Variants in CMTM4 observed in about 807,000 individuals in gnomAD.
CMTM4 encodes CKLF-like MARVEL transmembrane domain-containing protein 4.
Under a neutral mutation model 19.0 loss-of-function variants are expected in CMTM4, and 8 were observed. The ratio of observed to expected loss-of-function variants is 0.42; its 90% CI spans 0.25 to 0.76. CMTM4 has a LOEUF of 0.76. CMTM4 is among the 30% of genes least tolerant of loss of function. The pLI is 0.27. For synonymous variants in CMTM4, 106 were observed against 121.1 expected (o/e 0.88, Z 0.82); for missense variants, 228 against 290.2 (o/e 0.79, Z 1.56).
chr16:66,662,807 G>T (rs1458278469), intron 1 of CMTM4, among the ~76,000 whole-genome samples: 1 of 152,064 alleles, frequency 6.6e-6, no homozygotes, highest in African/African-American at 2.4e-5. Context: ...CAAGGAACTG[G>T]CAGAAAGAGG....
chr16:66,673,670 A>G (rs2016753780), intron 1 of CMTM4, among the ~76,000 whole-genome samples: 1 of 152,158 alleles, frequency 6.6e-6, no homozygotes, highest in East Asian at 1.9e-4. Context: ...CCCACTGCAA[A>G]CAAGCCAGAC....
intron 1 of CMTM4, among the ~76,000 whole-genome samples, chr16:66,694,558 C>A (rs1341945655): frequency 6.6e-6 from 1 of 151,620 alleles, no homozygotes; most frequent in Non-Finnish European, 1.5e-5. Context: ...ACTAAAATTA[C>A]AAAAATTAGC....
In CMTM4 at chr16:66,683,156, T is replaced by C. The variant is rs984652852; in HGVS notation, c.186+13184A>G. On this transcript the variant is annotated intron_variant, in intron 1 of 3. Coordinates refer to ENST00000394106, the MANE Select transcript of CMTM4 (RefSeq NM_181521.3). ...ATATATATATATATATGTATATATA[T>C]ATACGTATATATATATATACATATG... 2.4e-5 allele frequency among the ~76,000 whole-genome samples: 3 copies of C among 123,650 alleles called. No individual in the cohort carries two copies. In the Admixed American group the frequency reaches 3.0e-4, roughly 12 times the overall value. The allele number at this position is 123,650 out of a possible 152,430, so 81.1% of individuals were successfully genotyped here.
At chr16:66,655,545 GTTTA>G (rs996624939) in intron 1 of CMTM4, among the ~76,000 whole-genome samples, 6 of 138,484 alleles carry the variant, frequency 4.3e-5, no homozygotes, top group African/African-American at 5.6e-5. Context: ...GTGTGTGTGT[GTTTA>G]TTTATGTGTG....
intron 2 of CMTM4, among the ~76,000 whole-genome samples, chr16:66,633,136 T>TATATATATAAATATATATATATAAATAA (rs2015915931): frequency 7.3e-6 from 1 of 137,754 alleles, no homozygotes; most frequent in African/African-American, 2.8e-5. Flanking sequence ...TATATAAATA[T>TATATATATAAATATATATATATAAATAA]ATATATATAT....
At chr16:66,638,958 C>T (rs1334960908) in intron 1 of CMTM4, among the ~76,000 whole-genome samples, 1 of 151,660 alleles carries the variant, frequency 6.6e-6, no homozygotes. Flanking sequence ...AGATAATGCA[C>T]GTTACCTCAC....
the CMTM4 span, among the ~76,000 whole-genome samples, chr16:66,606,632 C>T: frequency 2.6e-5 from 4 of 152,174 alleles, no homozygotes; most frequent in South Asian, 2.1e-4. Flanking sequence ...CATGTTCAAA[C>T]GCAGCCACAG....
rs2015595880 is a variant in CMTM4, at chr16:66,619,792, G to A, written c.*2266C>T. On this transcript the variant is annotated 3_prime_UTR_variant, in exon 4 of 4. Transcript: ENST00000394106. ...GGAGAACATTTACAAAACCACCGAG[G>A]AGCCTCACGGCACAAAGGATATTAA... The A allele has an allele frequency of 1.0e-6, 1 of 985,116 alleles. No individual in the cohort carries two copies. The highest frequency in any genetic ancestry group is 1.7e-5 in the African/African-American group (1 of 57,158). The allele number at this position is 985,116 out of a possible 1,614,324, so 61.0% of individuals were successfully genotyped here.
intron 1 of CMTM4, among the ~76,000 whole-genome samples, chr16:66,692,369 C>T (rs527982287): frequency 2.6e-5 from 4 of 152,266 alleles, no homozygotes; most frequent in Non-Finnish European, 5.9e-5. Context: ...GCATTACAGG[C>T]GTGAGCCCGG....
chr16:66,645,594 G>GT (rs369424587), intron 1 of CMTM4, among the ~76,000 whole-genome samples: 1 of 151,624 alleles, frequency 6.6e-6, no homozygotes, highest in Non-Finnish European at 1.5e-5. Flanking sequence ...ACAAAAAACT[G>GT]TAACTGTGCA....
At chr16:66,609,583 A>G in the CMTM4 span, 2 of 1,538,646 alleles carry the variant, frequency 1.3e-6, no homozygotes, top group Non-Finnish European at 1.8e-6. This position sits in a 1 kb window ranked among gnomAD's most constrained non-coding sequence, Gnocchi z 4.4. Flanking sequence ...CTAGCCCCTC[A>G]TTTAGGGTGG....
chr16:66,684,792 C>A (rs1333665314), intron 1 of CMTM4, among the ~76,000 whole-genome samples: 1 of 152,226 alleles, frequency 6.6e-6, no homozygotes, highest in African/African-American at 2.4e-5. Context: ...CAGCCTGCTG[C>A]AGCCCTGCTC....
At chr16:66,654,681 C>T (rs2016367411) in intron 1 of CMTM4, among the ~76,000 whole-genome samples, 1 of 152,228 alleles carries the variant, frequency 6.6e-6, no homozygotes, top group Non-Finnish European at 1.5e-5. Context: ...AGCTCTGCCA[C>T]TGTGACCCTG....
chr16:66,609,321 T>A, the CMTM4 span: 2 of 863,296 alleles, frequency 2.3e-6, no homozygotes, highest in Admixed American at 2.2e-5. The surrounding 1 kb of genome is among the most constrained non-coding windows in gnomAD (Gnocchi z 4.4). Context: ...CAGGATGGGA[T>A]AGGAGCCCTC....
intron 2 of CMTM4, among the ~76,000 whole-genome samples, chr16:66,634,831 T>C (rs2015960241): frequency 6.6e-6 from 1 of 152,178 alleles, no homozygotes; most frequent in Non-Finnish European, 1.5e-5. Flanking sequence ...TGTAGGGCTC[T>C]CAGTGACTAG....
chr16:66,638,314 A>G (rs973004868), intron 1 of CMTM4, among the ~76,000 whole-genome samples: 6 of 152,234 alleles, frequency 3.9e-5, no homozygotes, highest in African/African-American at 1.4e-4. Context: ...ACCCACATCT[A>G]CAATTCCTGG....
intron 1 of CMTM4, among the ~76,000 whole-genome samples, chr16:66,686,546 C>CA (rs35913878): frequency 0.52 from 44,921 of 86,782 alleles, 10,337 homozygotes; most frequent in Middle Eastern, 0.66. Context: ...GACTCTGTCT[C>CA]AAAAAAAAAA....
At chr16:66,688,274 T>A (rs2017072179) in intron 1 of CMTM4, among the ~76,000 whole-genome samples, 1 of 152,120 alleles carries the variant, frequency 6.6e-6, no homozygotes, top group Non-Finnish European at 1.5e-5. Flanking sequence ...ACATCTGAAT[T>A]TTGGGGGAAT....
the CMTM4 span, chr16:66,603,972 T>G: frequency 6.6e-6 from 1 of 152,234 alleles, no homozygotes; most frequent in Non-Finnish European, 1.5e-5. Context: ...CACAGGAAGC[T>G]GGGTCTTGAT....
Sources: allele counts gnomAD v4.1 joint callset (sites outside exome capture counted in the v4.1 genomes callset), GRCh38; gene constraint gnomAD v4.1.1; non-coding constraint Gnocchi (gnomAD v3.1); transcripts MANE v1.5; gene names NCBI Gene and HGNC (gene_info 2026-07-23, HGNC 2026-07-21).